The following FSTL5 variants were observed in gnomAD, a reference collection of about 807,000 sequenced individuals.
FSTL5 encodes the protein follistatin-related protein 5.
In FSTL5, 62 loss-of-function variants were observed where a neutral mutation model predicts 89.1. The observed-to-expected ratio is 0.70, with a 90% CI of 0.57 to 0.86. The LOEUF (loss-of-function observed/expected upper bound fraction) is 0.86, where lower values mean the gene tolerates loss of function less well. Among genes scored for constraint, FSTL5 ranks in the 40% least tolerant of loss-of-function variants. FSTL5 has a pLI of 0.00. For missense variants in FSTL5, 1,057 were observed against 1,001.6 expected (o/e 1.06, Z -0.75); for synonymous variants, 383 against 346.2 (o/e 1.11, Z -1.18).
intron 6 of FSTL5, among the ~76,000 whole-genome samples, chr4:161,670,684 G>C (rs539386640): frequency 6.6e-6 from 1 of 152,318 alleles, no homozygotes; most frequent in African/African-American, 2.4e-5. Context: ...AAGTTTTACA[G>C]TGAGTGTCCC....
At chr4:161,837,054 G>T (rs998526386) in intron 4 of FSTL5, among the ~76,000 whole-genome samples, 25 of 152,080 alleles carry the variant, frequency 1.6e-4, no homozygotes, top group Admixed American at 8.5e-4. Context: ...CTCAGAACAG[G>T]TTTTTAATTT....
intron 1 of FSTL5, among the ~76,000 whole-genome samples, chr4:162,160,300 G>A (rs2110765753): frequency 6.6e-6 from 1 of 151,652 alleles, no homozygotes; most frequent in South Asian, 2.1e-4. Flanking sequence ...AAACACAGGG[G>A]GACTAATTGC....
chr4:161,869,850 A>G, intron 4 of FSTL5, among the ~76,000 whole-genome samples: 1 of 152,180 alleles, frequency 6.6e-6, no homozygotes, highest in East Asian at 1.9e-4. Context: ...ACATTGATAT[A>G]ATTGGACTTA....
chr4:162,145,068 A>ATTTATTGT (rs1216650963), intron 1 of FSTL5, among the ~76,000 whole-genome samples: 1 of 133,970 alleles, frequency 7.5e-6, no homozygotes, highest in Non-Finnish European at 1.7e-5. Flanking sequence ...TACAATATAC[A>ATTTATTGT]ATGTATATTC....
intron 6 of FSTL5, among the ~76,000 whole-genome samples, chr4:161,689,621 T>C (rs377435589): frequency 5.3e-5 from 8 of 152,182 alleles, no homozygotes; most frequent in African/African-American, 1.9e-4. Flanking sequence ...TTTACAGCAC[T>C]ATTTTAGAGG....
intron 3 of FSTL5, among the ~76,000 whole-genome samples, chr4:162,005,254 A>G (rs111845672): frequency 2.7e-4 from 41 of 152,258 alleles, no homozygotes; most frequent in Admixed American, 7.9e-4. Context: ...AACTTGAAAT[A>G]CAAATTTCAC....
chr4:162,033,782 C>T (rs1010558117), intron 2 of FSTL5, 124 bp from the exon 3 acceptor site: 10 of 544,792 alleles, frequency 1.8e-5, no homozygotes, highest in East Asian at 3.3e-5. Context: ...ACATGATTCT[C>T]GCCTTTAAAA....
intron 4 of FSTL5, among the ~76,000 whole-genome samples, chr4:161,900,195 A>G (rs1441270250): frequency 3.3e-5 from 5 of 151,930 alleles, no homozygotes; most frequent in Admixed American, 6.6e-5. Context: ...GCTCTGTCTC[A>G]AAAAGAAAAG....
At chr4:161,600,945 C>T (rs1053083386) in intron 7 of FSTL5, among the ~76,000 whole-genome samples, 68 of 152,100 alleles carry the variant, frequency 4.5e-4, no homozygotes, top group African/African-American at 1.6e-3. Context: ...ATCCCAGGAA[C>T]CCTGGTGCCT....
chr4:161,752,069 G>A (rs1217558065), intron 6 of FSTL5, among the ~76,000 whole-genome samples: 1 of 152,134 alleles, frequency 6.6e-6, no homozygotes, highest in East Asian at 1.9e-4. Context: ...GGCCAGAGGT[G>A]AATTCAGTTG....
At chr4:161,833,152 C>G (rs1303134584) in intron 4 of FSTL5, among the ~76,000 whole-genome samples, 3 of 151,608 alleles carry the variant, frequency 2.0e-5, no homozygotes, top group African/African-American at 7.3e-5. Flanking sequence ...AGTAGTCATT[C>G]AGGAGCAGGT....
In FSTL5 at chr4:161,979,532, C is replaced by CG. The variant is rs796751804; in HGVS notation, c.160+54092_160+54093insC. Among the ~76,000 whole-genome samples the CG allele has an allele frequency of 3.2e-4, 49 of 151,580 alleles. No homozygotes were observed. In the East Asian group the frequency reaches 6.2e-3, roughly 19 times the overall value. On this transcript the variant is annotated intron_variant, in intron 3 of 15. Transcript: ENST00000306100. ...CTTCCTCCCCCTTTCCTTTCTGTCTCTCTCTCTCTCTGTCTTCTCTCCCTC... is the reference window on the plus strand; with the variant it reads ...CTTCCTCCCCCTTTCCTTTCTGTCTCGTCTCTCTCTCTGTCTTCTCTCCCTC...
At chr4:161,668,124 C>G (rs114625103) in intron 6 of FSTL5, among the ~76,000 whole-genome samples, 2,226 of 152,096 alleles carry the variant, frequency 0.015, 58 homozygotes, top group African/African-American at 0.05. Flanking sequence ...CAATAAGCCT[C>G]AAACCAGAGT....
At chr4:161,963,900 T>TTG (rs1735250434) in intron 3 of FSTL5, among the ~76,000 whole-genome samples, 1 of 152,104 alleles carries the variant, frequency 6.6e-6, no homozygotes, top group East Asian at 1.9e-4. Context: ...CAGAAACTGA[T>TTG]TGTAATAGTG....
At chr4:162,098,063 C>A (rs1241594830) in intron 2 of FSTL5, among the ~76,000 whole-genome samples, 1 of 151,724 alleles carries the variant, frequency 6.6e-6, no homozygotes, top group Non-Finnish European at 1.5e-5. Context: ...GTAAAAGGAA[C>A]TGAAGATAAA....
At chr4:161,529,483 CTCT>C (rs1731339909) in intron 10 of FSTL5, among the ~76,000 whole-genome samples, 1 of 142,084 alleles carries the variant, frequency 7.0e-6, no homozygotes, top group African/African-American at 2.5e-5. Context: ...TTCGACATGA[CTCT>C]TCATCTTAAG....
At chr4:161,481,698 T>G (rs537060470) in intron 12 of FSTL5, among the ~76,000 whole-genome samples, 52 of 152,326 alleles carry the variant, frequency 3.4e-4, no homozygotes, top group African/African-American at 1.2e-3. Context: ...GGTTATTTTA[T>G]TTTTCAATCA....
chr4:161,484,865 A>G (rs1729625895), intron 12 of FSTL5, among the ~76,000 whole-genome samples: 1 of 152,188 alleles, frequency 6.6e-6, no homozygotes, highest in South Asian at 2.1e-4. Context: ...TTGTCATAAA[A>G]GGTTCTTTCA....
rs189674194 is a variant in FSTL5 at position 161,765,695 on chromosome 4, G to A, written c.607-6164C>T. ...GCAAATGGCATTTTAAGTCAAATAC[G>A]TATAACATAATAATCTAAATCCTGT... On this transcript the variant is annotated intron_variant, in intron 5 of 15. Coordinates refer to ENST00000306100, the MANE Select transcript of FSTL5 (RefSeq NM_020116.5). Among the ~76,000 whole-genome samples the A allele has an allele frequency of 1.8e-4, 28 of 152,092 alleles. No individual in the cohort carries two copies. In the East Asian group the frequency reaches 4.6e-3, roughly 25 times the overall value.
Sources: gnomAD v4.1 joint callset for allele counts (sites outside exome capture counted in the v4.1 genomes callset) on GRCh38, gnomAD v4.1.1 for gene constraint, MANE v1.5 for transcripts, NCBI Gene and HGNC (gene_info 2026-07-23, HGNC 2026-07-21) for gene names.